The following RNF145 variants were observed in gnomAD, a reference collection of about 807,000 sequenced individuals.
RNF145 encodes the protein ring finger protein 145.
A neutral mutation model predicts 57.3 loss-of-function variants in RNF145; 12 were observed. That is an observed-to-expected ratio of 0.21 (90% CI 0.13 to 0.34). The LOEUF (loss-of-function observed/expected upper bound fraction) is 0.34. RNF145 is among the 10% of genes least tolerant of loss of function. The probability of loss-of-function intolerance (pLI) is 1.00; values close to 1 mark genes in which losing one functional copy is unlikely to be tolerated. For missense variants in RNF145, 429 were observed against 799.0 expected (o/e 0.54, Z 5.58); for synonymous variants, 262 against 288.3 (o/e 0.91, Z 0.92).
At chr5:159,209,792 G>A, upstream of RNF145, 1 of 1,469,774 alleles carries the variant, frequency 6.8e-7, no homozygotes, top group Non-Finnish European at 9.2e-7. Flanking sequence ...GCGCCATTCT[G>A]ACACACGTGC....
chr5:159,202,499 TTC>T (rs1404979796), intron 2 of RNF145, among the ~76,000 whole-genome samples: 2 of 152,188 alleles, frequency 1.3e-5, no homozygotes, highest in Non-Finnish European at 2.9e-5. Context: ...TACATCATAC[TTC>T]TTTCCACAAC....
chr5:159,162,176 A>G (rs1315137493), intron 9 of RNF145, among the ~76,000 whole-genome samples: 1 of 152,208 alleles, frequency 6.6e-6, no homozygotes, highest in African/African-American at 2.4e-5. Context: ...TATGTGTGCA[A>G]TACACACACA....
At chr5:159,168,754 C>A in intron 8 of RNF145, 119 bp downstream of exon 8, 1 of 540,968 alleles carries the variant, frequency 1.8e-6, no homozygotes, top group Non-Finnish European at 3.0e-6. Flanking sequence ...TTAACCTAAG[C>A]TAATACCAAT....
chr5:159,205,579 C>G (rs567625096), intron 1 of RNF145, among the ~76,000 whole-genome samples: 2 of 152,210 alleles, frequency 1.3e-5, no homozygotes, highest in African/African-American at 4.8e-5. Flanking sequence ...AACCCAATAC[C>G]CTCTTGGGAA....
chr5:159,173,338 G>A (rs6556402), intron 6 of RNF145, among the ~76,000 whole-genome samples: 115,895 of 152,068 alleles, frequency 0.76, 45,096 homozygotes, highest in African/African-American at 0.93. Context: ...CAGGAAAGCC[G>A]AAAGATTGAA....
chr5:159,192,524 C>T (rs1304354068), intron 3 of RNF145, among the ~76,000 whole-genome samples: 1 of 152,042 alleles, frequency 6.6e-6, no homozygotes. Flanking sequence ...TATTATATGG[C>T]TATACATAAA....
chr5:159,175,267 A>G (rs892649484), intron 5 of RNF145, among the ~76,000 whole-genome samples: 1 of 152,104 alleles, frequency 6.6e-6, no homozygotes, highest in African/African-American at 2.4e-5. Context: ...GAGGCAGAGA[A>G]TATTTTTCTT....
In RNF145 at chr5:159,202,151, A is replaced by T. The variant is rs1030580957; in HGVS notation, c.184+1283T>A. ...TTGTACTCGAAAACATTCAATTTCT[A>T]AAATTAATATTCCTGGTTATCAGGC... On this transcript the variant is annotated intron_variant, in intron 2 of 10. Transcript: ENST00000424310. 2.6e-5 allele frequency among the ~76,000 whole-genome samples: 4 copies of T among 152,218 alleles called. 1 individual carries two copies. Among genetic ancestry groups the T allele is most frequent in the Non-Finnish European group, 5.9e-5 (4 of 68,036 alleles).
At chr5:159,193,184 G>A (rs1171498587) in intron 3 of RNF145, among the ~76,000 whole-genome samples, 2 of 152,256 alleles carry the variant, frequency 1.3e-5, no homozygotes, top group Admixed American at 6.5e-5. Context: ...CATGCAAAAC[G>A]GGGAATGTCA....
At chr5:159,209,149 G>A (rs1361516967) in intron 1 of RNF145, 82 bp downstream of exon 1, 2 of 448,464 alleles carry the variant, frequency 4.5e-6, no homozygotes, top group Non-Finnish European at 5.9e-6. Flanking sequence ...AGCCTGCGAC[G>A]CGATGGGGGA....
At chr5:159,194,927 T>C (rs935545464) in intron 2 of RNF145, 103 bp from the exon 3 acceptor site, 39 of 793,560 alleles carry the variant, frequency 4.9e-5, no homozygotes, top group Non-Finnish European at 2.0e-5. Context: ...TAGGTTTCAG[T>C]ACTTTCTGAG....
intron 3 of RNF145, among the ~76,000 whole-genome samples, chr5:159,190,696 A>C (rs924590279): frequency 1.3e-5 from 2 of 151,944 alleles, no homozygotes; most frequent in African/African-American, 4.8e-5. Context: ...AAAAAAAAAA[A>C]AAAAAAGATA....
intron 3 of RNF145, among the ~76,000 whole-genome samples, chr5:159,183,043 C>A (rs1474460143): frequency 6.6e-6 from 1 of 151,832 alleles, no homozygotes; most frequent in Non-Finnish European, 1.5e-5. Flanking sequence ...ACACAATCAG[C>A]CGGAAGGGTA....
chr5:159,182,340 C>T (rs1027824570), intron 3 of RNF145, among the ~76,000 whole-genome samples: 2 of 151,992 alleles, frequency 1.3e-5, no homozygotes, highest in Non-Finnish European at 2.9e-5. Context: ...CCAGTAAAAA[C>T]CCAATTGAGA....
At chr5:159,163,881 T>C (rs1357922489) in intron 8 of RNF145, among the ~76,000 whole-genome samples, 2 of 152,230 alleles carry the variant, frequency 1.3e-5, no homozygotes, top group African/African-American at 2.4e-5. Context: ...TCCTCCATCA[T>C]GCTCTCCATT....
At chr5:159,198,074 T>C (rs1303170533) in intron 2 of RNF145, among the ~76,000 whole-genome samples, 2 of 151,410 alleles carry the variant, frequency 1.3e-5, no homozygotes, top group Non-Finnish European at 2.9e-5. Context: ...TTCCTGTCTC[T>C]ACAAAAAAAT....
At chr5:159,196,962 C>T (rs1039112466) in intron 2 of RNF145, among the ~76,000 whole-genome samples, 2 of 152,188 alleles carry the variant, frequency 1.3e-5, no homozygotes, top group African/African-American at 4.8e-5. Flanking sequence ...TCATTTCATC[C>T]ATTCCTTCAA....
At chr5:159,169,645 T>C in intron 7 of RNF145, 34 bp downstream of exon 7, 1 of 1,487,092 alleles carries the variant, frequency 6.7e-7, no homozygotes, top group South Asian at 1.3e-5. Flanking sequence ...CTATAGTATT[T>C]ACATTTCTAG....
At chr5:159,184,511 A>C (rs189818124) in intron 3 of RNF145, among the ~76,000 whole-genome samples, 108 of 152,360 alleles carry the variant, frequency 7.1e-4, no homozygotes, top group African/African-American at 2.5e-3. Context: ...TTTAATTATG[A>C]TGATGATCAG....
Sources: allele counts gnomAD v4.1 joint callset (sites outside exome capture counted in the v4.1 genomes callset), GRCh38; gene constraint gnomAD v4.1.1; transcripts MANE v1.5; gene names NCBI Gene and HGNC (gene_info 2026-07-23, HGNC 2026-07-21).